Variants in LRCH4 observed in about 807,000 individuals in gnomAD.
LRCH4 encodes leucine rich repeats and calponin homology domain containing 4.
Under a neutral mutation model 81.2 loss-of-function variants are expected in LRCH4, and 56 were observed. That is an observed-to-expected ratio of 0.69 (90% confidence interval 0.56 to 0.86). The LOEUF is 0.86. Ranked by LOEUF, LRCH4 falls within the 40% of genes least tolerant of loss-of-function variation. LRCH4 has a pLI of 0.00. For synonymous variants in LRCH4, 442 were observed against 409.7 expected (o/e 1.08, Z -0.95); for missense variants, 895 against 922.8 (o/e 0.97, Z 0.39).
At position 100,578,630 on chromosome 7, in the gene LRCH4, C is replaced by A. The variant is rs1392207540; in HGVS notation, c.735+20G>T. On this transcript the variant is annotated intron_variant, in intron 5 of 17. Transcript: ENST00000310300. This position sits in a 1 kb window ranked among gnomAD's most constrained non-coding sequence, Gnocchi z 5.7. ...CTAGCCACACCCCTGTCCTCGTGGC[C>A]CCCCAGGCACCCGCCTCACCTGGGC... is the stretch of plus-strand genomic sequence containing the variant. The A allele has an allele frequency of 6.2e-7, 1 of 1,610,512 alleles. No homozygotes were observed. The highest frequency in any genetic ancestry group is 2.2e-5 in the East Asian group (1 of 44,858).
rs368999452 is a variant in LRCH4, at chr7:100,581,847, C to T, written c.528G>A (p.Ser176=). The T allele has an allele frequency of 3.8e-5, 61 of 1,614,058 alleles. No homozygotes were observed. The highest frequency in any genetic ancestry group is 6.7e-5 in the Admixed American group (4 of 59,994). ...GCAGGGAAGAGAGGCCACACAGTTC[C>T]GAGGGCAGGGATTGGAGCTCGTTGC... ...VSSNELQSLP[S]ELCGLSSLRD... The change falls in exon 4 of 18, where the codon TCG becomes TCA. Residue 176 remains serine (S), a synonymous_variant. Transcript: ENST00000310300.
In LRCH4 at chr7:100,574,960, A is replaced by T. The variant is rs1250845258; in HGVS notation, c.*147T>A. 3.8e-5 allele frequency: 29 copies of T among 753,948 alleles called. No individual in the cohort carries two copies. Among genetic ancestry groups the T allele is most frequent in the Non-Finnish European group, 5.1e-5 (24 of 471,576 alleles). The allele number at this position is 753,948 out of a possible 1,614,324, so 46.7% of individuals were successfully genotyped here. A position where few individuals can be genotyped will look rare whatever the true frequency, so the allele number is the denominator to read the frequency against. On this transcript the variant is annotated 3_prime_UTR_variant, in exon 18 of 18. Coordinates refer to ENST00000310300, the MANE Select transcript of LRCH4 (RefSeq NM_002319.5). ...GGGGCCCAGGGTCTGGGGGCACCAGAGTGGGGCCTCTGAGGTCAGTGTCTG... is the reference window on the plus strand; with the variant it reads ...GGGGCCCAGGGTCTGGGGGCACCAGTGTGGGGCCTCTGAGGTCAGTGTCTG...
chr7:100,579,938 C>T (rs1355610368), intron 4 of LRCH4: 2 of 152,196 alleles, frequency 1.3e-5, no homozygotes, highest in East Asian at 1.9e-4. Context: ...TTTTTATGGC[C>T]CAGAGAGAGC....
Position 100,578,795 on chromosome 7 carries a change from G to C in LRCH4, c.599-9C>G. The C allele has an allele frequency of 6.2e-7, 1 of 1,612,118 alleles. No homozygotes were observed. The highest frequency in any genetic ancestry group is 2.2e-5 in the East Asian group (1 of 44,876). ...AGGGAGGTCCCCCAGCTCTGGAACA[G>C]GTGGGCAAGGGAAAAGTCAGGAACA... On this transcript the variant is annotated splice_polypyrimidine_tract_variant and intron_variant, in intron 4 of 17. Transcript: ENST00000310300. The surrounding 1 kb of genome is among the most constrained non-coding windows in gnomAD (Gnocchi z 5.7).
intron 1 of LRCH4, among the ~76,000 whole-genome samples, chr7:100,584,472 T>TC (rs1388642300): frequency 6.6e-6 from 1 of 151,496 alleles, no homozygotes; most frequent in Admixed American, 6.6e-5. Flanking sequence ...CGGGTAGTTT[T>TC]CCCCAAGAGT....
chr7:100,576,267 C>T lies in LRCH4; in HGVS notation c.1609G>A (p.Glu537Lys). 2 of 1,614,108 alleles carry T rather than the reference C, an allele frequency of 1.2e-6. No homozygotes were observed. The highest frequency in any genetic ancestry group is 1.7e-6 in the Non-Finnish European group (2 of 1,180,006). The change falls in exon 15 of 18, where the codon GAG becomes AAG. Residue 537 changes from glutamate (E) to lysine (K), a missense_variant. Transcript: ENST00000310300. ...RPRRYPQVPD[E>K]KDLMTQLRQV... is the part of the protein sequence containing the mutation. ...CGCAGCTGAGTCATTAAGTCCTTCT[C>T]ATCTGGAACCTGGGGGTACCGCCGA...
rs770566089 is a variant in LRCH4 at position 100,576,322 on chromosome 7, G to A, written c.1554C>T (p.Gly518=). ...TCAGGACAGAGTCTGGTGAGGAAGG[G>A]CCTAGGAGAAAAAGGGGGGCATGGG... ...LFRSSSQSGS[G]PSSPDSVLRP... Residue 518 remains glycine, a splice_region_variant and synonymous_variant, in exon 15 of 18, where the codon GGC becomes GGT. Transcript: ENST00000310300. 1.2e-6 allele frequency: 2 copies of A among 1,613,230 alleles called. No individual in the cohort carries two copies. The highest frequency in any genetic ancestry group is 1.3e-5 in the African/African-American group (1 of 74,892).
In LRCH4 at chr7:100,577,055, A is replaced by G; in HGVS notation, c.1364+31T>C. On this transcript the variant is annotated intron_variant, in intron 12 of 17. Coordinates refer to ENST00000310300, the MANE Select transcript of LRCH4 (RefSeq NM_002319.5). The surrounding 1 kb of genome is among the most constrained non-coding windows in gnomAD (Gnocchi z 6.7). The stretch of plus-strand genomic sequence containing the variant: ...GAGGGATGATGGTCATAGGAAGAGG[A>G]GTGGGGAGGGGATGCTGGCAGGAAA... The G allele has an allele frequency of 6.2e-7, 1 of 1,614,050 alleles. No individual in the cohort carries two copies. The highest frequency in any genetic ancestry group is 8.5e-7 in the Non-Finnish European group (1 of 1,179,950).
chr7:100,576,960 C>T lies in LRCH4; in HGVS notation c.1410G>A (p.Gly470=). 2.5e-6 allele frequency: 4 copies of T among 1,588,418 alleles called. No individual in the cohort carries two copies. The highest frequency in any genetic ancestry group is 3.4e-6 in the Non-Finnish European group (4 of 1,165,298). ...SSASQAGAAA[G]QGAPAPAPAS... The stretch of plus-strand genomic sequence containing the variant: ...CAGGGGCAGGGGCGGGGGCTCCCTG[C>T]CCCGCTGCAGCCCCTGCTTGGGAGG... The change falls in exon 13 of 18, where the codon GGG becomes GGA. Residue 470 remains glycine (G), a synonymous_variant. Coordinates refer to ENST00000310300, the MANE Select transcript of LRCH4 (RefSeq NM_002319.5).
Position 100,575,560 on chromosome 7 carries a change from G to A in LRCH4, c.1854+145C>T, listed in dbSNP as rs1405433061. 2 of 1,025,314 alleles carry A rather than the reference G, an allele frequency of 2.0e-6. No homozygotes were observed. Among genetic ancestry groups the A allele is most frequent in the Non-Finnish European group, 1.5e-6 (1 of 650,436 alleles). 63.5% of individuals were successfully genotyped at this position (1,025,314 alleles called of 1,614,324 possible). A position where few individuals can be genotyped will look rare whatever the true frequency, so the allele number is the denominator to read the frequency against. The stretch of plus-strand genomic sequence containing the variant: ...TGACATGCAGGGCAGGGGGCATGCA[G>A]GGCAGGGGGCATGCTGGGCAGGGCA... On this transcript the variant is annotated intron_variant, in intron 17 of 17. Transcript: ENST00000310300. This position sits in a 1 kb window ranked among gnomAD's most constrained non-coding sequence, Gnocchi z 5.3.
intron 1 of LRCH4, among the ~76,000 whole-genome samples, chr7:100,584,389 C>T (rs911941671): frequency 2.0e-4 from 30 of 148,938 alleles, no homozygotes; most frequent in African/African-American, 6.9e-4. Flanking sequence ...CACAGGAGCA[C>T]GGCTGCACCC....
At position 100,583,097 on chromosome 7, in the gene LRCH4, G is replaced by C. The variant is rs559712867; in HGVS notation, c.221-638C>G. 1.2e-3 allele frequency among the ~76,000 whole-genome samples: 181 copies of C among 152,318 alleles called. No individual in the cohort carries two copies. Among genetic ancestry groups the C allele is most frequent in the African/African-American group, 4.3e-3 (177 of 41,566 alleles). On this transcript the variant is annotated intron_variant, in intron 1 of 17. Coordinates refer to ENST00000310300, the MANE Select transcript of LRCH4 (RefSeq NM_002319.5). This position sits in a 1 kb window ranked among gnomAD's most constrained non-coding sequence, Gnocchi z 4.3. ...GATTCCCAAGGGCTGGGAGGGAAGG[G>C]CAAGAAGACCTGGTTGGAGATGGGA...
chr7:100,579,996 G>T (rs1801480121), intron 4 of LRCH4: 1 of 152,180 alleles, frequency 6.6e-6, no homozygotes, highest in African/African-American at 2.4e-5. Context: ...GTGCAGAAAG[G>T]GTCAGGGAGT....
At position 100,576,307 on chromosome 7, in the gene LRCH4, G is replaced by C. The variant is rs1176406844; in HGVS notation, c.1569C>G (p.Asp523Glu). Residue 523 changes from aspartate (D) to glutamate (E), a missense_variant, in exon 15 of 18, where the codon GAC becomes GAG. Coordinates refer to ENST00000310300, the MANE Select transcript of LRCH4 (RefSeq NM_002319.5). ...SQSGSGPSSP[D>E]SVLRPRRYPQ... ...GGTACCGCCGAGGTCTCAGGACAGA[G>C]TCTGGTGAGGAAGGGCCTAGGAGAA... The C allele has an allele frequency of 1.2e-6, 2 of 1,614,046 alleles. No homozygotes were observed. Among genetic ancestry groups the C allele is most frequent in the Non-Finnish European group, 1.7e-6 (2 of 1,179,932 alleles).
rs1218935245 is a variant in LRCH4, at chr7:100,583,504, AG to A, written c.221-1046del. Among the ~76,000 whole-genome samples the A allele has an allele frequency of 1.3e-5, 2 of 152,274 alleles. No individual in the cohort carries two copies. The highest frequency in any genetic ancestry group is 3.9e-4 in the East Asian group (2 of 5,158). On this transcript the variant is annotated intron_variant, in intron 1 of 17. Coordinates refer to ENST00000310300, the MANE Select transcript of LRCH4 (RefSeq NM_002319.5). The surrounding 1 kb of genome is among the most constrained non-coding windows in gnomAD (Gnocchi z 4.3). The stretch of plus-strand genomic sequence containing the variant: ...GCCACAGACCTGGTGAGCTTCTCCA[AG>A]GGCCCTTCTCAGGGAAGGGCAGGCC...
Position 100,585,911 on chromosome 7 carries a change from T to C in LRCH4, c.190A>G (p.Ser64Gly). The C allele has an allele frequency of 1.2e-6, 2 of 1,611,116 alleles. No individual in the cohort carries two copies. Among genetic ancestry groups the C allele is most frequent in the Non-Finnish European group, 1.7e-6 (2 of 1,178,606 alleles). The change falls in exon 1 of 18, where the codon AGC becomes GGC. Residue 64 changes from serine (S) to glycine (G), a missense_variant. Physicochemically the swap from Ser to Gly is moderately conservative, Grantham distance 56. Coordinates refer to ENST00000310300, the MANE Select transcript of LRCH4 (RefSeq NM_002319.5). ...TGGGTGATGTCTGACAGGTCGTAGCTACGGGCCGCGCCCCGGGGGAAGTGC... is the reference window on the plus strand; with the variant it reads ...TGGGTGATGTCTGACAGGTCGTAGCCACGGGCCGCGCCCCGGGGGAAGTGC... ...LKHFPRGAAR[S>G]YDLSDITQAD...
rs1402887070 is a variant in LRCH4 at position 100,577,486 on chromosome 7, G to A, written c.1178+11C>T. 1.2e-6 allele frequency: 2 copies of A among 1,607,748 alleles called. No individual in the cohort carries two copies. Among genetic ancestry groups the A allele is most frequent in the South Asian group, 1.1e-5 (1 of 91,088 alleles). On this transcript the variant is annotated intron_variant, in intron 10 of 17. Coordinates refer to ENST00000310300, the MANE Select transcript of LRCH4 (RefSeq NM_002319.5). The surrounding 1 kb of genome is among the most constrained non-coding windows in gnomAD (Gnocchi z 6.7). Reference sequence around the variant, plus strand: ...ATCGGGCAGTGGCGTCAGTTTGGGGGCTTGGGGTACCTGCTGCTTGGTGCC... The same window carrying A: ...ATCGGGCAGTGGCGTCAGTTTGGGGACTTGGGGTACCTGCTGCTTGGTGCC...
intron 4 of LRCH4, chr7:100,580,567 C>T (rs1801507199): frequency 6.7e-6 from 1 of 149,716 alleles, no homozygotes; most frequent in African/African-American, 2.5e-5. Flanking sequence ...ACACACACAA[C>T]ACATACAACA....
rs1801431540 is a variant in LRCH4 at position 100,578,218 on chromosome 7, C to A, written c.889G>T (p.Gly297Trp). Residue 297 changes from glycine (G) to tryptophan (W), a missense_variant, in exon 7 of 18, where the codon GGG becomes TGG. Around this residue, in one of 3 missense-constraint regions of LRCH4, gnomAD observed 360 missense variants for 397.0 expected, o/e 0.91. Coordinates refer to ENST00000310300, the MANE Select transcript of LRCH4 (RefSeq NM_002319.5). The surrounding 1 kb of genome is among the most constrained non-coding windows in gnomAD (Gnocchi z 5.7). ...ACGCTGTGGAAGCCTGAGTCCAGCCCACCATCGTACCGATGTCCCGGAAAT... is the reference window on the plus strand; with the variant it reads ...ACGCTGTGGAAGCCTGAGTCCAGCCAACCATCGTACCGATGTCCCGGAAAT... ...DLFPGHRYDG[G>W]LDSGFHSVDS... The A allele has an allele frequency of 1.9e-6, 3 of 1,614,184 alleles. No individual in the cohort carries two copies. The highest frequency in any genetic ancestry group is 1.6e-4 in the Middle Eastern group (1 of 6,062).
Sources: allele counts gnomAD v4.1 joint callset (sites outside exome capture counted in the v4.1 genomes callset), GRCh38; gene constraint gnomAD v4.1.1; regional missense constraint gnomAD v4.1.1; non-coding constraint Gnocchi (gnomAD v3.1); transcripts MANE v1.5; gene names NCBI Gene and HGNC (gene_info 2026-07-23, HGNC 2026-07-21).